ZC3HAV1: variants seen among roughly 807,000 people sequenced by gnomAD.
ZC3HAV1 encodes zinc finger CCCH-type antiviral protein 1.
A neutral mutation model predicts 86.6 loss-of-function variants in ZC3HAV1; 41 were observed. The ratio of observed to expected loss-of-function variants is 0.47; its 90% confidence interval spans 0.37 to 0.61. The LOEUF is 0.61. Ranked by LOEUF, ZC3HAV1 falls within the 20% of genes least tolerant of loss-of-function variation. The pLI is 0.00. For missense variants in ZC3HAV1, 964 were observed against 1,141.1 expected (o/e 0.84, Z 2.24); for synonymous variants, 421 against 432.1 (o/e 0.97, Z 0.32).
intron 5 of ZC3HAV1, among the ~76,000 whole-genome samples, chr7:139,077,221 C>T (rs1816978473): frequency 6.6e-6 from 1 of 152,096 alleles, no homozygotes; most frequent in Non-Finnish European, 1.5e-5. Flanking sequence ...GCAGTTTTCC[C>T]ATTTGCAAAT....
At chr7:139,052,162 G>T (rs1194447727) in intron 12 of ZC3HAV1, among the ~76,000 whole-genome samples, 1 of 150,536 alleles carries the variant, frequency 6.6e-6, no homozygotes, top group East Asian at 1.9e-4. Flanking sequence ...AAGTTTTAGG[G>T]TACATGTGCA....
intron 1 of ZC3HAV1, among the ~76,000 whole-genome samples, chr7:139,099,196 GAA>G (rs1016806510): frequency 1.3e-5 from 2 of 152,006 alleles, no homozygotes; most frequent in African/African-American, 4.8e-5. Context: ...TAGTGTTTGT[GAA>G]AAGAGAACAA....
At position 139,044,082 on chromosome 7, in the gene ZC3HAV1, T is replaced by C. The variant is rs774161163; in HGVS notation, c.*3512A>G. ...TACCCTGTACGACTGTCTAATGTCC[T>C]GCTGGACATTTAGGTAGGACCTACA... On this transcript the variant is annotated 3_prime_UTR_variant, in exon 13 of 13. Coordinates refer to ENST00000242351, the MANE Select transcript of ZC3HAV1 (RefSeq NM_020119.4). 2 of 152,264 alleles carry C rather than the reference T, an allele frequency of 1.3e-5. No homozygotes were observed. Among genetic ancestry groups the C allele is most frequent in the Non-Finnish European group, 1.5e-5 (1 of 68,048 alleles). The allele number at this position is 152,264 out of a possible 1,614,324, so 9.4% of individuals were successfully genotyped here.
intron 9 of ZC3HAV1, chr7:139,060,477 C>A: frequency 1.0e-6 from 1 of 992,476 alleles, no homozygotes; most frequent in Admixed American, 5.6e-5. Flanking sequence ...TAGCTCATCC[C>A]TTTTTTCTAT....
chr7:139,064,996 C>T lies in ZC3HAV1; in HGVS notation c.1876G>A (p.Asp626Asn). 3.1e-6 allele frequency: 5 copies of T among 1,613,838 alleles called. No individual in the cohort carries two copies. The highest frequency in any genetic ancestry group is 4.2e-6 in the Non-Finnish European group (5 of 1,179,924). The change falls in exon 8 of 13, where the codon GAC becomes AAC. Residue 626 changes from aspartate (D) to asparagine (N), a missense_variant. Transcript: ENST00000242351. ...GTWIQYGEEK[D>N]KRKNSNVDSS... is the part of the protein sequence containing the mutation. ...TCGACGTTTGAATTTTTCCGTTTGT[C>T]TTTCTAATTGGAAAAAAAATAAAAG...
chr7:139,049,144 C>T (rs58274038), intron 12 of ZC3HAV1, among the ~76,000 whole-genome samples: 24,097 of 84,980 alleles, frequency 0.28, 3,027 homozygotes, highest in Non-Finnish European at 0.38. Flanking sequence ...TTTTTTTTTT[C>T]GTTGTTGTTG....
chr7:139,064,797 A>C, intron 8 of ZC3HAV1, 82 bp downstream of exon 8: 8 of 1,603,996 alleles, frequency 5.0e-6, no homozygotes, highest in Non-Finnish European at 6.8e-6. Context: ...ATAGCAATGC[A>C]TACCCACTCT....
intron 1 of ZC3HAV1, among the ~76,000 whole-genome samples, chr7:139,101,812 G>T (rs1264336835): frequency 3.9e-5 from 6 of 152,032 alleles, no homozygotes; most frequent in Non-Finnish European, 7.4e-5. Flanking sequence ...GAAGGCAGCA[G>T]ACTCGTTAAG....
At position 139,073,970 on chromosome 7, in the gene ZC3HAV1, G is replaced by A. The variant is rs368557188; in HGVS notation, c.1758C>T (p.Ile586=). 91 of 1,613,864 alleles carry A rather than the reference G, an allele frequency of 5.6e-5. No individual in the cohort carries two copies. The highest frequency in any genetic ancestry group is 7.6e-5 in the Non-Finnish European group (90 of 1,179,890). Reference sequence around the variant, plus strand: ...CAGAAGAAGGAGTGGAGAGGCGTCGGATGGGAAAGGAATCACAACTCATTA... The same window carrying A: ...CAGAAGAAGGAGTGGAGAGGCGTCGAATGGGAAAGGAATCACAACTCATTA... The part of the protein sequence containing the change: ...FRVMSCDSFP[I]RRLSTPSSVT... The change falls in exon 7 of 13, where the codon ATC becomes ATT. Residue 586 remains isoleucine (I), a synonymous_variant. Transcript: ENST00000242351.
chr7:139,054,663 T>C (rs1462147718), intron 10 of ZC3HAV1, among the ~76,000 whole-genome samples: 2 of 152,174 alleles, frequency 1.3e-5, no homozygotes, highest in African/African-American at 2.4e-5. Context: ...AATGAGACTG[T>C]GTGTGGCTGA....
In ZC3HAV1 at chr7:139,076,324, C is replaced by T; in HGVS notation, c.1659G>A (p.Glu553=). The change falls in exon 6 of 13, where the codon GAG becomes GAA. Residue 553 remains glutamate (E), a synonymous_variant. Coordinates refer to ENST00000242351, the MANE Select transcript of ZC3HAV1 (RefSeq NM_020119.4). Reference sequence around the variant, plus strand: ...GGTTACAGTAGCCTTTCTCGATCGTCTCCATGTGCTCAAAGTCCGTCCAGG... The same window carrying T: ...GGTTACAGTAGCCTTTCTCGATCGTTTCCATGTGCTCAAAGTCCGTCCAGG... The part of the protein sequence containing the change: ...GKTWTDFEHM[E]TIEKGYCNPG... 6 of 1,614,182 alleles carry T rather than the reference C, an allele frequency of 3.7e-6. No individual in the cohort carries two copies. Among genetic ancestry groups the T allele is most frequent in the Non-Finnish European group, 5.1e-6 (6 of 1,180,040 alleles).
intron 2 of ZC3HAV1, among the ~76,000 whole-genome samples, chr7:139,087,922 C>T (rs1027178265): frequency 1.3e-5 from 2 of 149,348 alleles, no homozygotes; most frequent in African/African-American, 4.9e-5. Context: ...GTCCCAGATA[C>T]TTGGGGGGCT....
At chr7:139,047,995 A>C in intron 12 of ZC3HAV1, 142 bp from the exon 13 acceptor site, 1 of 837,124 alleles carries the variant, frequency 1.2e-6, no homozygotes, top group Non-Finnish European at 1.8e-6. Flanking sequence ...TTTCCTTTGC[A>C]CTTAAAAACA....
intron 2 of ZC3HAV1, 60 bp from the exon 3 acceptor site, chr7:139,084,092 C>G: frequency 1.9e-6 from 3 of 1,583,188 alleles, no homozygotes; most frequent in Middle Eastern, 4.3e-4. Flanking sequence ...GCCAAACATT[C>G]ATTAAGGCAA....
chr7:139,089,536 G>C, intron 2 of ZC3HAV1, 88 bp downstream of exon 2: 1 of 1,446,616 alleles, frequency 6.9e-7, no homozygotes, highest in Non-Finnish European at 9.1e-7. Context: ...CATTAATTTT[G>C]AATTTTCTCT....
At chr7:139,093,994 C>T (rs753323334) in intron 1 of ZC3HAV1, among the ~76,000 whole-genome samples, 34 of 152,152 alleles carry the variant, frequency 2.2e-4, no homozygotes, top group Non-Finnish European at 4.1e-4. Context: ...GTATGAAAGT[C>T]TCCCGTGGCC....
At chr7:139,100,035 T>C (rs1817705027) in intron 1 of ZC3HAV1, among the ~76,000 whole-genome samples, 2 of 151,376 alleles carry the variant, frequency 1.3e-5, no homozygotes, top group African/African-American at 4.8e-5. Context: ...TCTCAAAAAA[T>C]AAATAAAAAT....
chr7:139,060,923 T>C (rs759159727), intron 9 of ZC3HAV1, 113 bp downstream of exon 9: 27 of 1,595,286 alleles, frequency 1.7e-5, no homozygotes, highest in South Asian at 5.5e-5. Context: ...TGCAGAGTAA[T>C]GCAAACAGGA....
intron 9 of ZC3HAV1, 93 bp downstream of exon 9, chr7:139,060,943 G>A (rs1452727088): frequency 1.2e-6 from 2 of 1,602,074 alleles, no homozygotes; most frequent in African/African-American, 1.3e-5. Context: ...AACTTTTCAG[G>A]AAAACAGGCT....
Sources: allele counts gnomAD v4.1 joint callset (sites outside exome capture counted in the v4.1 genomes callset), GRCh38; gene constraint gnomAD v4.1.1; transcripts MANE v1.5; gene names NCBI Gene and HGNC (gene_info 2026-07-23, HGNC 2026-07-21).